Variants in PDLIM5 observed in about 807,000 individuals in gnomAD.
PDLIM5 encodes PDZ and LIM domain protein 5.
PDLIM5 carries 34 observed loss-of-function variants against 64.2 expected under a neutral mutation model. The observed-to-expected ratio is 0.53, with a 90% CI of 0.40 to 0.71. PDLIM5 has a LOEUF of 0.71. Ranked by LOEUF, PDLIM5 falls within the 30% of genes least tolerant of loss-of-function variation. PDLIM5 has a pLI of 0.00. For missense variants in PDLIM5, 683 were observed against 733.6 expected (o/e 0.93, Z 0.80); for synonymous variants, 253 against 269.1 (o/e 0.94, Z 0.59).
At chr4:94,516,153 G>C (rs1729338481) in intron 2 of PDLIM5, among the ~76,000 whole-genome samples, 1 of 152,166 alleles carries the variant, frequency 6.6e-6, no homozygotes, top group Non-Finnish European at 1.5e-5. Context: ...TAGACTACTA[G>C]AACAGACCGT....
intron 7 of PDLIM5, among the ~76,000 whole-genome samples, chr4:94,592,306 T>C (rs1285730902): frequency 6.6e-6 from 1 of 152,234 alleles, no homozygotes; most frequent in African/African-American, 2.4e-5. Flanking sequence ...ATTTTGCATG[T>C]TATAGTCTTC....
At chr4:94,560,928 C>T (rs879490828) in intron 3 of PDLIM5, among the ~76,000 whole-genome samples, 1 of 152,160 alleles carries the variant, frequency 6.6e-6, no homozygotes, top group East Asian at 1.9e-4. Flanking sequence ...GGGTTTACAT[C>T]GTGTTAGCCA....
At chr4:94,542,788 T>C (rs921655774) in intron 3 of PDLIM5, among the ~76,000 whole-genome samples, 5 of 152,196 alleles carry the variant, frequency 3.3e-5, no homozygotes, top group Non-Finnish European at 7.3e-5. Flanking sequence ...TTTCCATGGT[T>C]CCTGGTAAAT....
chr4:94,539,324 GT>G (rs1731579168), intron 3 of PDLIM5, among the ~76,000 whole-genome samples: 1 of 152,068 alleles, frequency 6.6e-6, no homozygotes, highest in Non-Finnish European at 1.5e-5. Flanking sequence ...TAGAAAAACT[GT>G]TACATGTGCT....
chr4:94,550,343 A>G (rs1031595574), intron 3 of PDLIM5, among the ~76,000 whole-genome samples: 1 of 152,180 alleles, frequency 6.6e-6, no homozygotes, highest in Non-Finnish European at 1.5e-5. Context: ...AAATCTTTCA[A>G]TTACTTCCCA....
At chr4:94,646,227 G>A (rs536474225) in intron 9 of PDLIM5, among the ~76,000 whole-genome samples, 1 of 152,280 alleles carries the variant, frequency 6.6e-6, no homozygotes, top group Admixed American at 6.5e-5. Context: ...CTCAGAATGG[G>A]ACTATATTTG....
intron 3 of PDLIM5, among the ~76,000 whole-genome samples, chr4:94,541,231 A>C (rs1247207673): frequency 2.6e-5 from 4 of 152,118 alleles, no homozygotes; most frequent in Non-Finnish European, 5.9e-5. Flanking sequence ...GGCCTTAGGA[A>C]AAAAAAATGT....
chr4:94,609,575 A>ATGT (rs1738196475), intron 7 of PDLIM5, among the ~76,000 whole-genome samples: 1 of 152,170 alleles, frequency 6.6e-6, no homozygotes, highest in East Asian at 1.9e-4. Flanking sequence ...TTATTTTCGC[A>ATGT]AAGGTACTTT....
At chr4:94,525,584 A>T (rs1730282144) in intron 3 of PDLIM5, among the ~76,000 whole-genome samples, 1 of 152,134 alleles carries the variant, frequency 6.6e-6, no homozygotes, top group Non-Finnish European at 1.5e-5. Context: ...GTCCTAGGTG[A>T]TTGCTAGTGA....
chr4:94,503,240 A>G (rs954793047), intron 2 of PDLIM5, among the ~76,000 whole-genome samples: 7 of 152,172 alleles, frequency 4.6e-5, no homozygotes, highest in African/African-American at 1.7e-4. Context: ...ACACTTCCTC[A>G]TCTCCCTCAC....
intron 11 of PDLIM5, among the ~76,000 whole-genome samples, chr4:94,659,924 TCTCA>T (rs1426866557): frequency 1.4e-5 from 2 of 143,692 alleles, no homozygotes; most frequent in Admixed American, 7.1e-5. Flanking sequence ...TGAGATGGAG[TCTCA>T]CTCTGTCACC....
intron 2 of PDLIM5, among the ~76,000 whole-genome samples, chr4:94,484,427 ATTAAT>A (rs754687654): frequency 1.8e-4 from 27 of 152,232 alleles, no homozygotes; most frequent in Non-Finnish European, 2.9e-4. Flanking sequence ...AAATAGAATT[ATTAAT>A]TTACTTTGCG....
At chr4:94,533,597 A>G (rs895990205) in intron 3 of PDLIM5, among the ~76,000 whole-genome samples, 8 of 152,242 alleles carry the variant, frequency 5.3e-5, no homozygotes, top group African/African-American at 1.9e-4. Flanking sequence ...ATGTGACCTT[A>G]GGCAGGTTAT....
intron 2 of PDLIM5, among the ~76,000 whole-genome samples, chr4:94,467,714 C>T (rs753060012): frequency 2.6e-5 from 4 of 152,154 alleles, no homozygotes; most frequent in African/African-American, 4.8e-5. Flanking sequence ...ATATGATAGA[C>T]CCTTACTTCC....
At chr4:94,583,275 G>C (rs929395692) in intron 5 of PDLIM5, among the ~76,000 whole-genome samples, 9 of 152,210 alleles carry the variant, frequency 5.9e-5, no homozygotes, top group African/African-American at 2.2e-4. Context: ...CTAAGGGGTA[G>C]TGTACTTTTT....
rs1578574258 is a variant in PDLIM5, at chr4:94,665,798, A to G, written c.*1731A>G. ...AATAAGTGAACCAATTTCAAATGTG[A>G]TCACAAAGTTTGGAAAGCTTTTATT... is the stretch of plus-strand genomic sequence containing the variant. On this transcript the variant is annotated 3_prime_UTR_variant, in exon 13 of 13. Coordinates refer to ENST00000317968, the MANE Select transcript of PDLIM5 (RefSeq NM_006457.5). The G allele has an allele frequency of 2.3e-6, 3 of 1,284,830 alleles. No homozygotes were observed. In the East Asian group the frequency reaches 9.0e-5, roughly 39 times the overall value. 79.6% of individuals were successfully genotyped at this position (1,284,830 alleles called of 1,614,324 possible).
chr4:94,470,601 G>A (rs1296122381), intron 2 of PDLIM5, among the ~76,000 whole-genome samples: 1 of 152,192 alleles, frequency 6.6e-6, no homozygotes, highest in Non-Finnish European at 1.5e-5. Flanking sequence ...AGTGGAGGGT[G>A]TGTATAAGTT....
rs1431027862 is a variant in PDLIM5 at position 94,455,951 on chromosome 4, A to T, written c.96+567A>T. On this transcript the variant is annotated intron_variant, in intron 2 of 12. Transcript: ENST00000317968. ...TTGAGATTTGGCTTTTTACCTCATT[A>T]TGGATTTAGTTTGAATGTATTCTGT... is the stretch of plus-strand genomic sequence containing the variant. 2.0e-6 allele frequency: 3 copies of T among 1,500,310 alleles called. No homozygotes were observed. The East Asian group carries it at 7.4e-5, about 37-fold the overall frequency. The allele number at this position is 1,500,310 out of a possible 1,614,324, so 92.9% of individuals were successfully genotyped here. A position where few individuals can be genotyped will look rare whatever the true frequency, so the allele number is the denominator to read the frequency against.
At chr4:94,452,543 A>G (rs1722951469) in intron 1 of PDLIM5, among the ~76,000 whole-genome samples, 1 of 152,264 alleles carries the variant, frequency 6.6e-6, no homozygotes, top group Admixed American at 6.5e-5. Context: ...CTGTTTGGGG[A>G]AAACTTCTGC....
Sources: gnomAD v4.1 joint callset for allele counts (sites outside exome capture counted in the v4.1 genomes callset) on GRCh38, gnomAD v4.1.1 for gene constraint, MANE v1.5 for transcripts, NCBI Gene and HGNC (gene_info 2026-07-23, HGNC 2026-07-21) for gene names.